CYTH1: variants seen among roughly 807,000 people sequenced by gnomAD.
CYTH1 encodes cytohesin-1.
Under a neutral mutation model 61.8 loss-of-function variants are expected in CYTH1, and 18 were observed. The ratio of observed to expected loss-of-function variants is 0.29; its 90% CI spans 0.20 to 0.43. CYTH1 has a LOEUF of 0.43. Ranked by LOEUF, CYTH1 falls within the 20% of genes least tolerant of loss-of-function variation. The pLI, the probability that CYTH1 is intolerant of heterozygous loss-of-function variation, is 1.00. For synonymous variants in CYTH1, 174 were observed against 184.3 expected (o/e 0.94, Z 0.45); for missense variants, 336 against 510.5 (o/e 0.66, Z 3.29).
At chr17:78,701,265 C>G (rs2093006132) in intron 6 of CYTH1, among the ~76,000 whole-genome samples, 1 of 152,176 alleles carries the variant, frequency 6.6e-6, no homozygotes, top group Non-Finnish European at 1.5e-5. Context: ...TACAGAATGA[C>G]AGTTTCTTAA....
chr17:78,755,344 G>A (rs1280181489), intron 1 of CYTH1, among the ~76,000 whole-genome samples: 2 of 152,030 alleles, frequency 1.3e-5, no homozygotes, highest in African/African-American at 4.8e-5. Flanking sequence ...ATGTTGGCCA[G>A]GCTGGTCTCG....
At chr17:78,745,117 A>AT (rs1159662992) in intron 1 of CYTH1, among the ~76,000 whole-genome samples, 1 of 152,138 alleles carries the variant, frequency 6.6e-6, no homozygotes, top group Non-Finnish European at 1.5e-5. Flanking sequence ...CATTGGTCAG[A>AT]TGCTCAGAGA....
chr17:78,781,035 T>A (rs1387894491), intron 1 of CYTH1, among the ~76,000 whole-genome samples: 1 of 150,720 alleles, frequency 6.6e-6, no homozygotes, highest in Non-Finnish European at 1.5e-5. Flanking sequence ...TAAAATAAAA[T>A]AATAAAATAA....
chr17:78,704,462 T>C (rs2093045034), intron 3 of CYTH1, among the ~76,000 whole-genome samples: 1 of 152,204 alleles, frequency 6.6e-6, no homozygotes, highest in African/African-American at 2.4e-5. Context: ...ATGTGTTCTC[T>C]AGCTAAATCC....
intron 1 of CYTH1, among the ~76,000 whole-genome samples, chr17:78,777,830 C>CAA (rs201636454): frequency 0.047 from 3,402 of 71,870 alleles, 126 homozygotes; most frequent in African/African-American, 0.15. Context: ...ATTAAAAATA[C>CAA]AAAAAAAAAA....
intron 1 of CYTH1, chr17:78,723,400 T>G (rs569913241): frequency 1.3e-5 from 2 of 152,544 alleles, no homozygotes; most frequent in East Asian, 3.9e-4. Flanking sequence ...AAGGACAGCA[T>G]GTGTGCGCCA....
intron 1 of CYTH1, among the ~76,000 whole-genome samples, chr17:78,741,396 G>GA (rs58531202): frequency 1.1e-4 from 16 of 149,538 alleles, no homozygotes; most frequent in South Asian, 2.1e-4. Flanking sequence ...AATGACAGTA[G>GA]AAAAAAAAAC....
chr17:78,752,369 AC>A (rs2093383636), intron 1 of CYTH1, among the ~76,000 whole-genome samples: 1 of 152,222 alleles, frequency 6.6e-6, no homozygotes, highest in African/African-American at 2.4e-5. Flanking sequence ...TAAAATCTCT[AC>A]TATCAATAAA....
chr17:78,690,593 G>A (rs2092874214), intron 11 of CYTH1, among the ~76,000 whole-genome samples: 2 of 151,820 alleles, frequency 1.3e-5, no homozygotes, highest in Admixed American at 1.3e-4. Context: ...CTACTCAGGA[G>A]GCTGAGATGG....
chr17:78,733,059 A>G (rs2093302950), intron 1 of CYTH1, among the ~76,000 whole-genome samples: 1 of 140,792 alleles, frequency 7.1e-6, no homozygotes, highest in African/African-American at 2.6e-5. Context: ...GCCTGGCAAC[A>G]GAGTGAGACT....
In CYTH1 at chr17:78,680,212, C is replaced by T. The variant is rs773234558; in HGVS notation, c.1096G>A (p.Glu366Lys). ...RISAPTPEEK[E>K]EWIKCIKAAI... ...TACTTAATGCACTTAATCCACTCCTCCTTCTCCTCGGGCGTCGGAGCTGAG... is the reference window on the plus strand; with the variant it reads ...TACTTAATGCACTTAATCCACTCCTTCTTCTCCTCGGGCGTCGGAGCTGAG... Residue 366 changes from glutamate (E) to lysine (K), a missense_variant, in exon 13 of 14, where the codon GAG (glutamate) becomes AAG (lysine). Physicochemically the swap from Glu to Lys is moderately conservative, Grantham distance 56. This residue lies in a region of CYTH1 where 83 missense variants were observed against 115.6 expected (regional missense o/e 0.72). Coordinates refer to ENST00000446868, the MANE Select transcript of CYTH1 (RefSeq NM_004762.6). 2.5e-6 allele frequency: 4 copies of T among 1,614,200 alleles called. No homozygotes were observed. Among genetic ancestry groups the T allele is most frequent in the Non-Finnish European group, 3.4e-6 (4 of 1,180,032 alleles).
At chr17:78,719,226 G>GGCTATCTGTGCCTCAAAGCA (rs1378699200) in intron 1 of CYTH1, among the ~76,000 whole-genome samples, 1 of 152,164 alleles carries the variant, frequency 6.6e-6, no homozygotes, top group African/African-American at 2.4e-5. Context: ...AAGTTACTTC[G>GGCTATCTGTGCCTCAAAGCA]GCTATCTGTG....
At position 78,744,915 on chromosome 17, in the gene CYTH1, A is replaced by T. The variant is rs530194988; in HGVS notation, c.23-35183T>A. On this transcript the variant is annotated intron_variant, in intron 1 of 13. Transcript: ENST00000446868. Reference sequence around the variant, plus strand: ...ATGTACACAATTTGCATTTACTTCAATTTTTGCCTAAGGACCAGTAACTCT... The same window carrying T: ...ATGTACACAATTTGCATTTACTTCATTTTTTGCCTAAGGACCAGTAACTCT... Among the ~76,000 whole-genome samples, 9 of 152,200 alleles carry T rather than the reference A, an allele frequency of 5.9e-5. 1 individual carries two copies. Among genetic ancestry groups the T allele is most frequent in the African/African-American group, 1.7e-4 (7 of 41,528 alleles).
chr17:78,712,678 AT>A (rs1321450581), intron 1 of CYTH1, among the ~76,000 whole-genome samples: 1 of 151,822 alleles, frequency 6.6e-6, no homozygotes, highest in African/African-American at 2.4e-5. Context: ...TAATAATAAT[AT>A]AAAAAATAAA....
rs2092745942 is a variant in CYTH1, at chr17:78,680,275, C to T, written c.1033G>A (p.Gly345Arg). Residue 345 changes from glycine to arginine, a missense_variant, in exon 13 of 14, where the codon GGG becomes AGG. Gly to Arg is a moderately radical substitution (Grantham distance 125). This residue lies in a region of CYTH1 where 83 missense variants were observed against 115.6 expected (regional missense o/e 0.72). Transcript: ENST00000446868. ...VIKACKTEAD[G>R]RVVEGNHTVY... ...GTGTGGTTCCCCTCCACCACCCGCC[C>T]GTCAGCCTCGGTCTTGCAGGCCTTG... 1.2e-6 allele frequency: 2 copies of T among 1,614,188 alleles called. No homozygotes were observed. The highest frequency in any genetic ancestry group is 8.5e-7 in the Non-Finnish European group (1 of 1,180,038).
chr17:78,774,491 A>C (rs2144766341), intron 1 of CYTH1, among the ~76,000 whole-genome samples: 1 of 152,202 alleles, frequency 6.6e-6, no homozygotes, highest in South Asian at 2.1e-4. Flanking sequence ...GAGGAAAAAA[A>C]CTCAAACTCA....
At chr17:78,776,645 C>A (rs1489554071) in intron 1 of CYTH1, among the ~76,000 whole-genome samples, 3 of 124,204 alleles carry the variant, frequency 2.4e-5, no homozygotes, top group Admixed American at 9.7e-5. Flanking sequence ...GACAACAGAG[C>A]GAGACTCTGT....
Position 78,681,099 on chromosome 17 carries a change from C to T in CYTH1, c.892-57G>A, listed in dbSNP as rs151007358. On this transcript the variant is annotated intron_variant, in intron 11 of 13. Transcript: ENST00000446868. ...ATCACAGTTTAAGGACACACACTGT[C>T]AGATTCCTCGCCGGTGACTCAGCCG... The T allele has an allele frequency of 8.7e-4, 1,351 of 1,559,864 alleles. 8 individuals carry two copies. The African/African-American group carries it at 0.012, about 14-fold the overall frequency.
rs1177870649 is a variant in CYTH1 at position 78,760,392 on chromosome 17, CAT to C, written c.22+21808_22+21809del. Among the ~76,000 whole-genome samples, 11 of 45,514 alleles carry C rather than the reference CAT, an allele frequency of 2.4e-4. 1 individual carries two copies. Among genetic ancestry groups the C allele is most frequent in the African/African-American group, 6.0e-4 (8 of 13,410 alleles). 29.9% of individuals were successfully genotyped at this position (45,514 alleles called of 152,430 possible). ...ATATATATATATATATATACACACA[CAT>C]ACATATATATATGTGTATATATATA... On this transcript the variant is annotated intron_variant, in intron 1 of 13. Coordinates refer to ENST00000446868, the MANE Select transcript of CYTH1 (RefSeq NM_004762.6).
Sources: gnomAD v4.1 joint callset for allele counts (sites outside exome capture counted in the v4.1 genomes callset) on GRCh38, gnomAD v4.1.1 for gene constraint, gnomAD v4.1.1 regional missense constraint, MANE v1.5 for transcripts, NCBI Gene and HGNC (gene_info 2026-07-23, HGNC 2026-07-21) for gene names.